The following DIXDC1 variants were observed in gnomAD, a reference collection of about 807,000 sequenced individuals.
The protein encoded by DIXDC1 is dixin.
A neutral mutation model predicts 103.1 loss-of-function variants in DIXDC1; 64 were observed. That is an observed-to-expected ratio of 0.62 (90% CI 0.51 to 0.76). DIXDC1 has a LOEUF of 0.76. Ranked by LOEUF, DIXDC1 falls within the 30% of genes least tolerant of loss-of-function variation. The pLI is 0.00. For synonymous variants in DIXDC1, 266 were observed against 298.5 expected (o/e 0.89, Z 1.12); for missense variants, 759 against 834.2 (o/e 0.91, Z 1.11).
At chr11:111,962,253 G>A (rs1859604391) in intron 1 of DIXDC1, among the ~76,000 whole-genome samples, 1 of 152,092 alleles carries the variant, frequency 6.6e-6, no homozygotes, top group African/African-American at 2.4e-5. Context: ...AGGCCTAGGT[G>A]GGTGGATCAC....
In DIXDC1 at chr11:111,993,507, G is replaced by T. The variant is rs1555174800; in HGVS notation, c.1284G>T (p.Gly428=). The change falls in exon 13 of 20, where the codon GGG becomes GGT. Residue 428 remains glycine (G), a synonymous_variant. Coordinates refer to ENST00000440460, the MANE Select transcript of DIXDC1 (RefSeq NM_001037954.4). ...TATCTTTATTGCAGAAAGAGCTGGG[G>T]CAGAAGGATCGCCTTCTTCAGCAGC... ...RLLGEYKKEL[G]QKDRLLQQHQ... is the part of the protein sequence containing the mutation. 6.2e-7 allele frequency: 1 copy of T among 1,613,992 alleles called. No individual in the cohort carries two copies. The highest frequency in any genetic ancestry group is 1.7e-5 in the Admixed American group (1 of 60,012).
chr11:111,983,639 T>C (rs868984728), intron 7 of DIXDC1, among the ~76,000 whole-genome samples: 5 of 152,338 alleles, frequency 3.3e-5, no homozygotes, highest in African/African-American at 1.2e-4. Flanking sequence ...CAGGATAATT[T>C]GCATTATATG....
Position 111,932,176 on chromosome 11 carries a change from G to A in DIXDC1, c.57+2266G>A, listed in dbSNP as rs140367333. 9.4e-4 allele frequency among the ~76,000 whole-genome samples: 142 copies of A among 151,690 alleles called. 1 individual carries two copies. The highest frequency in any genetic ancestry group is 3.4e-3 in the Middle Eastern group (1 of 294). ...CTCCAGAGCAGCTGGGACTACAGGC[G>A]TAGGACACCACGCCTGGCTAATTTT... On this transcript the variant is annotated intron_variant, in intron 2 of 5. Transcript: ENST00000529225.
Position 111,974,859 on chromosome 11 carries a change from G to C in DIXDC1, c.549-17G>C. The C allele has an allele frequency of 6.2e-7, 1 of 1,611,530 alleles. No individual in the cohort carries two copies. The highest frequency in any genetic ancestry group is 8.5e-7 in the Non-Finnish European group (1 of 1,178,898). On this transcript the variant is annotated splice_polypyrimidine_tract_variant and intron_variant, in intron 4 of 19. Transcript: ENST00000440460. ...AAGGACTGACACCTTCCCTTTGCTG[G>C]GGTCCTTTGACTTTAGGAACAGCAG...
intron 1 of DIXDC1, among the ~76,000 whole-genome samples, chr11:111,954,120 T>G (rs1966867194): frequency 6.6e-6 from 1 of 152,168 alleles, no homozygotes; most frequent in South Asian, 2.1e-4. Context: ...ATTATTACAT[T>G]GTAATATATA....
At chr11:111,980,678 G>A in intron 5 of DIXDC1, 59 bp from the exon 6 acceptor site, 1 of 1,404,540 alleles carries the variant, frequency 7.1e-7, no homozygotes. Flanking sequence ...AATTATGAAA[G>A]CTGCTTTCTG....
At chr11:111,959,755 A>G (rs1360961285) in intron 1 of DIXDC1, among the ~76,000 whole-genome samples, 1 of 152,212 alleles carries the variant, frequency 6.6e-6, no homozygotes, top group Non-Finnish European at 1.5e-5. Context: ...GGTAATGGTG[A>G]ACTCTACCAT....
chr11:111,964,650 G>T lies in DIXDC1; in HGVS notation c.162G>T (p.Val54=). The T allele has an allele frequency of 6.2e-7, 1 of 1,611,962 alleles. No individual in the cohort carries two copies. Among genetic ancestry groups the T allele is most frequent in the Non-Finnish European group, 8.5e-7 (1 of 1,179,158 alleles). ...QDLRQDLRDG[V]ILAYLIEIVA... is the part of the protein sequence containing the mutation. ...TGCGACAAGATCTCCGGGATGGGGT[G>T]ATCCTGGCATATCTCATCGAGATTG... The change falls in exon 2 of 20, where the codon GTG becomes GTT. Residue 54 remains valine, a synonymous_variant. Coordinates refer to ENST00000440460, the MANE Select transcript of DIXDC1 (RefSeq NM_001037954.4).
chr11:112,018,729 C>G (rs1555178063), intron 19 of DIXDC1, among the ~76,000 whole-genome samples: 1 of 152,158 alleles, frequency 6.6e-6, no homozygotes. Context: ...TCTTACAAAT[C>G]TCTATGAGCA....
At chr11:111,974,608 G>T (rs72991443) in intron 4 of DIXDC1, among the ~76,000 whole-genome samples, 10,510 of 152,198 alleles carry the variant, frequency 0.069, 472 homozygotes, top group Non-Finnish European at 0.1. Context: ...GTACCCAAAG[G>T]TCAGGTTGTC....
intron 1 of DIXDC1, chr11:111,927,436 ATC>A (rs1219792350): frequency 5.9e-5 from 9 of 152,704 alleles, no homozygotes; most frequent in African/African-American, 1.9e-4. Flanking sequence ...CAAGTTGATC[ATC>A]CACATCGAAA....
In DIXDC1 at chr11:111,977,184, T is replaced by G; in HGVS notation, c.656+2201T>G. 14 of 357,544 alleles carry G rather than the reference T, an allele frequency of 3.9e-5. No homozygotes were observed. The highest frequency in any genetic ancestry group is 1.2e-4 in the South Asian group (1 of 8,318). The allele number at this position is 357,544 out of a possible 1,614,324, so 22.1% of individuals were successfully genotyped here. On this transcript the variant is annotated intron_variant, in intron 5 of 19. Coordinates refer to ENST00000440460, the MANE Select transcript of DIXDC1 (RefSeq NM_001037954.4). The surrounding 1 kb of genome is among the most constrained non-coding windows in gnomAD (Gnocchi z 6.1). The stretch of plus-strand genomic sequence containing the variant: ...CCTCCACCCCGCCCAGCCCCGCCCC[T>G]GGCCCGCACCCTCAACCTCCGTCCA...
chr11:111,993,785 C>A, intron 14 of DIXDC1, 45 bp downstream of exon 14: 1 of 1,599,096 alleles, frequency 6.3e-7, no homozygotes, highest in Non-Finnish European at 8.5e-7. Context: ...ATGAAGCAAA[C>A]GGGGAGATTG....
Position 112,016,809 on chromosome 11 carries a change from G to A in DIXDC1, c.1862+13G>A. ...ATATACCAAAGAGGTGAGATTCTGG[G>A]ATCATTGTATTTCACTGTAAAGAAG... is the stretch of plus-strand genomic sequence containing the variant. On this transcript the variant is annotated intron_variant, in intron 18 of 19. Transcript: ENST00000440460. 6.3e-7 allele frequency: 1 copy of A among 1,588,770 alleles called. No homozygotes were observed. Among genetic ancestry groups the A allele is most frequent in the Non-Finnish European group, 8.6e-7 (1 of 1,164,832 alleles).
intron 9 of DIXDC1, among the ~76,000 whole-genome samples, chr11:111,988,391 G>A (rs1489738130): frequency 3.3e-5 from 5 of 152,160 alleles, no homozygotes; most frequent in African/African-American, 1.2e-4. Context: ...GATACAATAG[G>A]AAGAGAAGAG....
intron 3 of DIXDC1, 106 bp downstream of exon 3, chr11:111,968,744 T>A (rs1859816122): frequency 8.3e-7 from 1 of 1,199,236 alleles, no homozygotes. Context: ...AAAGTCTCCA[T>A]TCATTTTATT....
chr11:111,980,419 C>T (rs1253808681), intron 5 of DIXDC1, among the ~76,000 whole-genome samples: 2 of 152,148 alleles, frequency 1.3e-5, no homozygotes, highest in African/African-American at 4.8e-5. Flanking sequence ...TAAAACAAAG[C>T]AAAACTTGGA....
intron 1 of DIXDC1, among the ~76,000 whole-genome samples, chr11:111,955,978 A>G (rs1804211010): frequency 2.8e-5 from 4 of 140,932 alleles, no homozygotes; most frequent in Admixed American, 2.2e-4. Context: ...TGGTGCATAT[A>G]TATATGTGTA....
At position 111,994,484 on chromosome 11, in the gene DIXDC1, T is replaced by C. The variant is rs191914355; in HGVS notation, c.1438-535T>C. ...ACATATACACATATATACATATATA[T>C]ACACACACATATATACATACATATA... is the stretch of plus-strand genomic sequence containing the variant. On this transcript the variant is annotated intron_variant, in intron 14 of 19. Coordinates refer to ENST00000440460, the MANE Select transcript of DIXDC1 (RefSeq NM_001037954.4). 4.1e-3 allele frequency among the ~76,000 whole-genome samples: 622 copies of C among 151,336 alleles called. 2 individuals are homozygous for C. Among genetic ancestry groups the C allele is most frequent in the African/African-American group, 0.014 (561 of 41,224 alleles).
Sources: gnomAD v4.1 joint callset for allele counts (sites outside exome capture counted in the v4.1 genomes callset) on GRCh38, gnomAD v4.1.1 for gene constraint, Gnocchi (gnomAD v3.1) non-coding constraint, MANE v1.5 for transcripts, NCBI Gene and HGNC (gene_info 2026-07-23, HGNC 2026-07-21) for gene names.